Variants in UROC1 observed in about 807,000 individuals in gnomAD.
UROC1 encodes urocanate hydratase 1.
A neutral mutation model predicts 89.5 loss-of-function variants in UROC1; 79 were observed. That is an observed-to-expected ratio of 0.88 (90% CI 0.74 to 1.06). The LOEUF (loss-of-function observed/expected upper bound fraction) is 1.06, where lower values mean the gene tolerates loss of function less well. Among genes scored for constraint, UROC1 ranks in the 50% least tolerant of loss-of-function variants. UROC1 has a pLI of 0.00. For synonymous variants in UROC1, 361 were observed against 354.8 expected (o/e 1.02, Z -0.20); for missense variants, 885 against 907.8 (o/e 0.97, Z 0.32).
chr3:126,499,309 C>T, intron 13 of UROC1, 28 bp downstream of exon 13: 1 of 1,608,420 alleles, frequency 6.2e-7, no homozygotes, highest in South Asian at 1.1e-5. Context: ...ACTGGGCACA[C>T]TAGATGTGGC....
In UROC1 at chr3:126,508,232, C is replaced by T. The variant is rs1936115072; in HGVS notation, c.412-137G>A. ...CCACTCCAGTGGCCCTGGTGCCTCC[C>T]TCAACACCACCTCGCCCATTCCTAT... On this transcript the variant is annotated intron_variant, in intron 4 of 19. Coordinates refer to ENST00000290868, the MANE Select transcript of UROC1 (RefSeq NM_144639.3). 3 of 1,513,370 alleles carry T rather than the reference C, an allele frequency of 2.0e-6. No individual in the cohort carries two copies. In the South Asian group the frequency reaches 3.4e-5, roughly 17 times the overall value. 93.7% of individuals were successfully genotyped at this position (1,513,370 alleles called of 1,614,324 possible).
At position 126,488,293 on chromosome 3, in the gene UROC1, G is replaced by C. The variant is rs758254623; in HGVS notation, c.1709-14C>G. 1.2e-6 allele frequency: 2 copies of C among 1,614,170 alleles called. No homozygotes were observed. Among genetic ancestry groups the C allele is most frequent in the Non-Finnish European group, 1.7e-6 (2 of 1,180,000 alleles). On this transcript the variant is annotated splice_polypyrimidine_tract_variant and intron_variant, in intron 17 of 19. Coordinates refer to ENST00000290868, the MANE Select transcript of UROC1 (RefSeq NM_144639.3). ...GCACAGCCATGTCTGCGGAAATAGAGACGCCTCTGCTCATCACCCCCTGCA... is the reference window on the plus strand; with the variant it reads ...GCACAGCCATGTCTGCGGAAATAGACACGCCTCTGCTCATCACCCCCTGCA...
chr3:126,507,710 C>T (rs766128029), intron 6 of UROC1, 32 bp downstream of exon 6: 3 of 1,610,686 alleles, frequency 1.9e-6, no homozygotes, highest in South Asian at 1.1e-5. Context: ...AACGGGGAAA[C>T]ACGGTGTAAA....
intron 3 of UROC1, 120 bp downstream of exon 3, chr3:126,509,465 C>T: frequency 9.8e-7 from 1 of 1,015,414 alleles, no homozygotes; most frequent in African/African-American, 1.6e-5. Flanking sequence ...CTCTTACTAG[C>T]TTTGCAACTT....
At chr3:126,508,197 G>A (rs930967862) in intron 4 of UROC1, 102 bp from the exon 5 acceptor site, 225 of 1,603,804 alleles carry the variant, frequency 1.4e-4, no homozygotes, top group Non-Finnish European at 1.8e-4. Flanking sequence ...CAGGCCCCCA[G>A]GTCTCCATTC....
chr3:126,499,500 T>C (rs1374966786), intron 12 of UROC1, 91 bp from the exon 13 acceptor site: 12 of 1,237,388 alleles, frequency 9.7e-6, no homozygotes, highest in Non-Finnish European at 1.4e-5. Context: ...AGAGGGAGGC[T>C]GGGGAAGGAT....
chr3:126,499,293 G>A, intron 13 of UROC1, 44 bp downstream of exon 13: 1 of 1,597,640 alleles, frequency 6.3e-7, no homozygotes, highest in South Asian at 1.1e-5. Context: ...ACGGGGCAGG[G>A]GTGGCACTGG....
At chr3:126,517,139 C>G (rs1936345661) in intron 1 of UROC1, among the ~76,000 whole-genome samples, 1 of 152,176 alleles carries the variant, frequency 6.6e-6, no homozygotes. Flanking sequence ...CCCATCTTTC[C>G]CTGGCAACTG....
chr3:126,505,968 G>C lies in UROC1; in HGVS notation c.646C>G (p.Gln216Glu). ...ACCACAGTGCCATGAACGATTCCCT[G>C]GGGACCGATGTAGCAGTAGCTACCT... The part of the protein sequence containing the change: ...TAGSYCYIGP[Q>E]GIVHGTVLTV... The change falls in exon 7 of 20, where the codon CAG becomes GAG. Residue 216 changes from glutamine to glutamate, a missense_variant. Physicochemically the swap from Gln to Glu is conservative, Grantham distance 29 (BLOSUM62 2). Coordinates refer to ENST00000290868, the MANE Select transcript of UROC1 (RefSeq NM_144639.3). 6.2e-7 allele frequency: 1 copy of C among 1,612,390 alleles called. No individual in the cohort carries two copies. The highest frequency in any genetic ancestry group is 8.5e-7 in the Non-Finnish European group (1 of 1,179,880).
Position 126,501,362 on chromosome 3 carries a change from C to T in UROC1, c.903-82G>A, listed in dbSNP as rs754059189. On this transcript the variant is annotated intron_variant, in intron 9 of 19. Transcript: ENST00000290868. The stretch of plus-strand genomic sequence containing the variant: ...GACACACCTGCACCCCAGCTGCACA[C>T]AGGGGCAGACCCAGGAGGCCACCAG... The T allele has an allele frequency of 4.5e-6, 7 of 1,545,398 alleles. No individual in the cohort carries two copies. The South Asian group carries it at 6.7e-5, about 15-fold the overall frequency.
chr3:126,498,021 A>G (rs1576719138), intron 14 of UROC1, 30 bp downstream of exon 14: 1 of 1,613,682 alleles, frequency 6.2e-7, no homozygotes, highest in Middle Eastern at 1.7e-4. Context: ...GGGGCCACCC[A>G]CCCATGGGCA....
At chr3:126,517,488 G>A (rs781115203) in intron 1 of UROC1, 106 bp downstream of exon 1, 48 of 1,572,134 alleles carry the variant, frequency 3.1e-5, no homozygotes, top group South Asian at 5.6e-5. Flanking sequence ...CAGGGTGGGC[G>A]GCTGAGCAGC....
chr3:126,495,294 T>C (rs1442493701), intron 15 of UROC1, among the ~76,000 whole-genome samples: 1 of 152,184 alleles, frequency 6.6e-6, no homozygotes, highest in African/African-American at 2.4e-5. Context: ...CATTGCCCCA[T>C]CCATCTCCCC....
intron 12 of UROC1, 123 bp downstream of exon 12, chr3:126,499,934 C>T: frequency 5.3e-6 from 5 of 941,452 alleles, no homozygotes; most frequent in East Asian, 2.5e-5. Flanking sequence ...AGTGAAGCCT[C>T]GGTCAGGATT....
In UROC1 at chr3:126,488,197, C is replaced by G. The variant is rs1935558867; in HGVS notation, c.1790+1G>C. ...CACCCTGTCCTCTGAAACCTTCTTA[C>G]CAGCCCACGCCCCCTCCGTTGTGAA... On this transcript the variant is annotated splice_donor_variant, in intron 18 of 19. Coordinates refer to ENST00000290868, the MANE Select transcript of UROC1 (RefSeq NM_144639.3). LOFTEE classifies it high-confidence loss of function. 1.2e-6 allele frequency: 2 copies of G among 1,614,236 alleles called. No homozygotes were observed.
At chr3:126,517,307 G>A (rs2107555296) in intron 1 of UROC1, among the ~76,000 whole-genome samples, 1 of 152,320 alleles carries the variant, frequency 6.6e-6, no homozygotes, top group East Asian at 1.9e-4. Context: ...CCCACCCAAG[G>A]CCTCCTCCCA....
chr3:126,502,791 G>A (rs1935965096), intron 9 of UROC1, among the ~76,000 whole-genome samples: 1 of 151,818 alleles, frequency 6.6e-6, no homozygotes, highest in Admixed American at 6.6e-5. Context: ...GTGTGCATGT[G>A]TGTGCTGTGT....
At position 126,500,119 on chromosome 3, in the gene UROC1, G is replaced by A; in HGVS notation, c.1181C>T (p.Ala394Val). The A allele has an allele frequency of 2.5e-6, 4 of 1,613,858 alleles. No individual in the cohort carries two copies. Among genetic ancestry groups the A allele is most frequent in the Non-Finnish European group, 1.7e-6 (2 of 1,180,004 alleles). The change falls in exon 12 of 20, where the codon GCC (alanine) becomes GTC (valine). Residue 394 changes from alanine to valine, a missense_variant. Ala to Val is a moderately conservative substitution (Grantham distance 64, BLOSUM62 0). Transcript: ENST00000290868. ...RRQVSAINRL[A>V]EEKFFFWDYG... The stretch of plus-strand genomic sequence containing the variant: ...GTCCCAGAAGAAGAACTTCTCCTCG[G>A]CCAACCTGTTGATGGCTGAGACTTG...
At position 126,482,462 on chromosome 3, in the gene UROC1, C is replaced by T. The variant is rs779395194; in HGVS notation, c.1914G>A (p.Gly638=). 5 of 1,614,018 alleles carry T rather than the reference C, an allele frequency of 3.1e-6. No individual in the cohort carries two copies. The highest frequency in any genetic ancestry group is 4.2e-6 in the Non-Finnish European group (5 of 1,180,010). Residue 638 remains glycine (G), a synonymous_variant, in exon 20 of 20, where the codon GGG becomes GGA. Coordinates refer to ENST00000290868, the MANE Select transcript of UROC1 (RefSeq NM_144639.3). ...AGATGATCTCATAGGCCTTCTGGTT[C>T]CCTGACCAGCAGCGCCGGGCCACCT... The part of the protein sequence containing the change: ...SNGVARRCWS[G]NQKAYEIICQ...
Sources: gnomAD v4.1 joint callset for allele counts (sites outside exome capture counted in the v4.1 genomes callset) on GRCh38, gnomAD v4.1.1 for gene constraint, MANE v1.5 for transcripts, NCBI Gene and HGNC (gene_info 2026-07-23, HGNC 2026-07-21) for gene names.